CEP350: variants seen among roughly 807,000 people sequenced by gnomAD.
CEP350 encodes the protein centrosome-associated protein 350.
In CEP350, 126 loss-of-function variants were observed where a neutral mutation model predicts 331.8. The observed-to-expected ratio is 0.38, with a 90% CI of 0.33 to 0.44. The LOEUF (loss-of-function observed/expected upper bound fraction) is 0.44. Ranked by LOEUF, CEP350 falls within the 20% of genes least tolerant of loss-of-function variation. The pLI is 1.00. For synonymous variants in CEP350, 1,200 were observed against 1,259.5 expected (o/e 0.95, Z 1.00); for missense variants, 3,406 against 3,634.6 (o/e 0.94, Z 1.62).
intron 25 of CEP350, among the ~76,000 whole-genome samples, chr1:180,056,596 T>C (rs950300673): frequency 6.6e-6 from 1 of 151,118 alleles, no homozygotes; most frequent in Non-Finnish European, 1.5e-5. Flanking sequence ...AAGCCTCCCC[T>C]GTAGCTGGGA....
chr1:180,038,253 A>T (rs911187070), intron 17 of CEP350, among the ~76,000 whole-genome samples: 2 of 152,186 alleles, frequency 1.3e-5, no homozygotes, highest in Non-Finnish European at 2.9e-5. Context: ...TTTGGTGAGT[A>T]ATATTCCATT....
At position 180,020,074 on chromosome 1, in the gene CEP350, A is replaced by T. The variant is rs750992608; in HGVS notation, c.2300A>T (p.His767Leu). ...CTCTCCCATCTCTTGAGTTTAGAGC[A>T]TGTAGGAATTTTGCATAAGGATTTT... is the stretch of plus-strand genomic sequence containing the variant. The part of the protein sequence containing the change: ...SLLSHLLSLE[H>L]VGILHKDFES... Residue 767 changes from histidine to leucine, a missense_variant, in exon 12 of 38, where the codon CAT (histidine) becomes CTT (leucine). By Grantham distance (99) the His-to-Leu change is moderately conservative. Coordinates refer to ENST00000367607, the MANE Select transcript of CEP350 (RefSeq NM_014810.5). 6.2e-7 allele frequency: 1 copy of T among 1,614,010 alleles called. No homozygotes were observed. The highest frequency in any genetic ancestry group is 8.5e-7 in the Non-Finnish European group (1 of 1,179,894).
At chr1:180,005,754 C>CT (rs1654213890) in intron 7 of CEP350, among the ~76,000 whole-genome samples, 1 of 152,124 alleles carries the variant, frequency 6.6e-6, no homozygotes, top group Non-Finnish European at 1.5e-5. Flanking sequence ...CTAATCTTCT[C>CT]TTTTTTCAGT....
chr1:180,053,992 T>A, intron 24 of CEP350, 58 bp downstream of exon 24: 1 of 1,316,762 alleles, frequency 7.6e-7, no homozygotes, highest in Non-Finnish European at 1.0e-6. Flanking sequence ...GAATGCTTTA[T>A]ATTTTAAGAT....
Position 180,090,691 on chromosome 1 carries a change from G to T in CEP350, c.6426-23G>T, listed in dbSNP as rs756770754. 1.2e-5 allele frequency: 18 copies of T among 1,530,198 alleles called. No individual in the cohort carries two copies. In the Admixed American group the frequency reaches 1.7e-4, roughly 14 times the overall value. 94.8% of individuals were successfully genotyped at this position (1,530,198 alleles called of 1,614,324 possible). ...TTATTATAGTAATATGTTTATTTCT[G>T]CTCATTAATTTTTACACGTCAGATC... On this transcript the variant is annotated intron_variant, in intron 32 of 37. Transcript: ENST00000367607.
chr1:180,114,462 CTT>C lies in CEP350; in HGVS notation c.*3303_*3304del, dbSNP rs1661586631. On this transcript the variant is annotated 3_prime_UTR_variant, in exon 38 of 38. Coordinates refer to ENST00000367607, the MANE Select transcript of CEP350 (RefSeq NM_014810.5). ...GTTGTGCAGCAATTCAATAAAATATCTTTGTATTATAAAAATGTGAAGAAAAA... is the reference window on the plus strand; with the variant it reads ...GTTGTGCAGCAATTCAATAAAATATCTGTATTATAAAAATGTGAAGAAAAA... 6.6e-6 allele frequency: 1 copy of C among 152,548 alleles called. No individual in the cohort carries two copies. Among genetic ancestry groups the C allele is most frequent in the South Asian group, 2.1e-4 (1 of 4,834 alleles). The allele number at this position is 152,548 out of a possible 1,614,324, so 9.4% of individuals were successfully genotyped here.
intron 11 of CEP350, among the ~76,000 whole-genome samples, chr1:180,016,667 T>TTG (rs1422538858): frequency 6.7e-6 from 1 of 150,254 alleles, no homozygotes; most frequent in Admixed American, 6.6e-5. Flanking sequence ...TATGTTTTTT[T>TTG]TTTTTTTTTT....
chr1:179,964,025 A>G (rs1650820167), intron 1 of CEP350, among the ~76,000 whole-genome samples: 1 of 152,070 alleles, frequency 6.6e-6, no homozygotes, highest in Non-Finnish European at 1.5e-5. Context: ...CCTTGTAGAA[A>G]TCTTTCACCT....
intron 25 of CEP350, among the ~76,000 whole-genome samples, chr1:180,058,103 G>A (rs1430881344): frequency 6.6e-6 from 1 of 152,186 alleles, no homozygotes; most frequent in Non-Finnish European, 1.5e-5. Flanking sequence ...ATATGACTCA[G>A]CAGTTCTGTC....
intron 1 of CEP350, among the ~76,000 whole-genome samples, chr1:179,959,418 C>CTCCA (rs1480331832): frequency 2.0e-5 from 3 of 152,160 alleles, no homozygotes; most frequent in African/African-American, 7.2e-5. Flanking sequence ...TGCCACTGCA[C>CTCCA]TCCAGCCTGG....
At chr1:179,958,301 A>G (rs1352262248) in intron 1 of CEP350, among the ~76,000 whole-genome samples, 1 of 152,114 alleles carries the variant, frequency 6.6e-6, no homozygotes, top group Non-Finnish European at 1.5e-5. Flanking sequence ...AAGTATATAT[A>G]TTGTTTGATA....
intron 30 of CEP350, among the ~76,000 whole-genome samples, 183 bp from the exon 31 acceptor site, chr1:180,083,835 C>T (rs1009538507): frequency 2.0e-5 from 3 of 150,832 alleles, no homozygotes; most frequent in African/African-American, 4.9e-5. Flanking sequence ...TGGCGGGCGG[C>T]GGGGAGGGTG....
At chr1:179,966,475 G>A (rs911811848) in intron 1 of CEP350, among the ~76,000 whole-genome samples, 7 of 152,122 alleles carry the variant, frequency 4.6e-5, no homozygotes, top group African/African-American at 1.7e-4. Flanking sequence ...CAGGTCTTCA[G>A]AAATTAAGGA....
intron 1 of CEP350, among the ~76,000 whole-genome samples, chr1:179,979,554 A>G (rs752950173): frequency 1.1e-4 from 17 of 152,030 alleles, no homozygotes; most frequent in Non-Finnish European, 2.4e-4. Context: ...GGTTGATATA[A>G]TGCCATTTGT....
At position 180,096,056 on chromosome 1, in the gene CEP350, A is replaced by G. The variant is rs372334834; in HGVS notation, c.8938A>G (p.Lys2980Glu). The G allele has an allele frequency of 1.2e-5, 19 of 1,552,698 alleles. No homozygotes were observed. The highest frequency in any genetic ancestry group is 7.0e-6 in the Non-Finnish European group (8 of 1,147,524). ...VYKQAVFDLT[K>E]EIFEEIFAED... is the part of the protein sequence containing the mutation. Reference sequence around the variant, plus strand: ...TATCAAGGCGGTTTTTGATTTAACAAAAGAGATTTTTGAGGAAATATTTGC... The same window carrying G: ...TATCAAGGCGGTTTTTGATTTAACAGAAGAGATTTTTGAGGAAATATTTGC... Residue 2980 changes from lysine to glutamate, a missense_variant, in exon 36 of 38, where the codon AAA (lysine) becomes GAA (glutamate). Physicochemically the swap from Lys to Glu is moderately conservative, Grantham distance 56 (BLOSUM62 1). Transcript: ENST00000367607.
At chr1:179,982,682 G>T (rs1221855909) in intron 1 of CEP350, among the ~76,000 whole-genome samples, 1 of 152,122 alleles carries the variant, frequency 6.6e-6, no homozygotes, top group Admixed American at 6.5e-5. Context: ...AAAGATATCT[G>T]CCCAAAGAAA....
chr1:180,076,708 G>A (rs1433920655), intron 28 of CEP350, among the ~76,000 whole-genome samples: 1 of 152,126 alleles, frequency 6.6e-6, no homozygotes, highest in Non-Finnish European at 1.5e-5. Flanking sequence ...AAAGTCACCT[G>A]AGCCCAGGAG....
intron 37 of CEP350, among the ~76,000 whole-genome samples, chr1:180,103,067 C>T (rs987810190): frequency 6.6e-6 from 1 of 152,210 alleles, no homozygotes; most frequent in Non-Finnish European, 1.5e-5. Context: ...ATTTTATAGG[C>T]AGGCTTTAAG....
intron 8 of CEP350, among the ~76,000 whole-genome samples, 169 bp from the exon 9 acceptor site, chr1:180,011,760 A>G (rs976951188): frequency 6.6e-6 from 1 of 152,220 alleles, no homozygotes; most frequent in Non-Finnish European, 1.5e-5. Flanking sequence ...GATATAAACA[A>G]ATGGTTAACT....
Sources: gnomAD v4.1 joint callset for allele counts (sites outside exome capture counted in the v4.1 genomes callset) on GRCh38, gnomAD v4.1.1 for gene constraint, MANE v1.5 for transcripts, NCBI Gene and HGNC (gene_info 2026-07-23, HGNC 2026-07-21) for gene names.